AACS: variants seen among roughly 807,000 people sequenced by gnomAD.
AACS encodes the protein acetoacetyl-CoA synthetase.
A neutral mutation model predicts 83.1 loss-of-function variants in AACS; 69 were observed. The observed-to-expected ratio is 0.83, with a 90% confidence interval of 0.68 to 1.01. The LOEUF is 1.01. AACS is among the 50% of genes least tolerant of loss of function. The probability of loss-of-function intolerance (pLI) is 0.00; values close to 1 mark genes in which losing one functional copy is unlikely to be tolerated. For missense variants in AACS, 866 were observed against 882.2 expected (o/e 0.98, Z 0.23); for synonymous variants, 333 against 343.4 (o/e 0.97, Z 0.33).
At chr12:125,083,915 A>G (rs1189879500) in intron 3 of AACS, among the ~76,000 whole-genome samples, 1 of 152,094 alleles carries the variant, frequency 6.6e-6, no homozygotes, top group Non-Finnish European at 1.5e-5. Flanking sequence ...CAGCCTCCCA[A>G]AGTGCTGGGA....
intron 1 of AACS, among the ~76,000 whole-genome samples, chr12:125,067,210 C>T (rs1291503649): frequency 2.0e-5 from 3 of 152,188 alleles, no homozygotes; most frequent in Non-Finnish European, 2.9e-5. Context: ...CTGTTCCTCT[C>T]CTTCCCTTCC....
chr12:125,087,660 C>T (rs947016740), intron 4 of AACS, among the ~76,000 whole-genome samples: 7 of 152,172 alleles, frequency 4.6e-5, no homozygotes, highest in African/African-American at 7.2e-5. Flanking sequence ...GTGCCTCTCC[C>T]GAGGGAACTT....
At position 125,107,068 on chromosome 12, in the gene AACS, G is replaced by A. The variant is rs1386065210; in HGVS notation, c.768-53G>A. 15 of 1,610,726 alleles carry A rather than the reference G, an allele frequency of 9.3e-6. No homozygotes were observed. In the African/African-American group the frequency reaches 9.3e-5, roughly 10 times the overall value. Reference sequence around the variant, plus strand: ...GTGCACGGGTGGAATCAGTGGGTCCGGTCCAGCATTCTGGGACGTTCATGG... The same window carrying A: ...GTGCACGGGTGGAATCAGTGGGTCCAGTCCAGCATTCTGGGACGTTCATGG... On this transcript the variant is annotated intron_variant, in intron 7 of 17. Coordinates refer to ENST00000316519, the MANE Select transcript of AACS (RefSeq NM_023928.5).
intron 3 of AACS, among the ~76,000 whole-genome samples, chr12:125,082,467 C>G (rs977470450): frequency 7.0e-6 from 1 of 142,382 alleles, no homozygotes; most frequent in East Asian, 2.2e-4. Flanking sequence ...TGAGCTGTAA[C>G]ACCTGGCTGG....
rs1357668139 is a variant in AACS at position 125,094,261 on chromosome 12, C to G, written c.570+2738C>G. Among the ~76,000 whole-genome samples the G allele has an allele frequency of 6.6e-6, 1 of 152,178 alleles. No homozygotes were observed. The highest frequency in any genetic ancestry group is 2.4e-5 in the African/African-American group (1 of 41,426). On this transcript the variant is annotated intron_variant, in intron 5 of 17. Coordinates refer to ENST00000316519, the MANE Select transcript of AACS (RefSeq NM_023928.5). The surrounding 1 kb of genome is among the most constrained non-coding windows in gnomAD (Gnocchi z 4.1). ...ACCATGTTAAACTTCAGACTGTGCCCCATTTTCAGTAAGGGGCGCTCTTCA... is the reference window on the plus strand; with the variant it reads ...ACCATGTTAAACTTCAGACTGTGCCGCATTTTCAGTAAGGGGCGCTCTTCA...
At chr12:125,126,579 G>GT (rs35956139) in intron 12 of AACS, 46,810 of 140,102 alleles carry the variant, frequency 0.33, 7,751 homozygotes, top group East Asian at 0.54. Context: ...CTTTGGGTCA[G>GT]TTTTTTTTTT....
rs796918806 is a variant in AACS at position 125,077,212 on chromosome 12, G to A, written c.358+601G>A. Among the ~76,000 whole-genome samples, 73 of 151,704 alleles carry A rather than the reference G, an allele frequency of 4.8e-4. 1 individual carries two copies. The highest frequency in any genetic ancestry group is 1.7e-3 in the African/African-American group (70 of 41,372). ...ATTTCAGACATGAGCCACTGCACCC[G>A]GCCCCTGTGCAGCTTTTAAAAATTT... On this transcript the variant is annotated intron_variant, in intron 3 of 17. Transcript: ENST00000316519.
chr12:125,078,206 G>T lies in AACS; in HGVS notation c.358+1595G>T, dbSNP rs1346709161. 3 of 456,308 alleles carry T rather than the reference G, an allele frequency of 6.6e-6. No individual in the cohort carries two copies. The Admixed American group carries it at 7.0e-5, about 11-fold the overall frequency. The allele number at this position is 456,308 out of a possible 1,614,324, so 28.3% of individuals were successfully genotyped here. ...GGGAAGGACCAGCAGCCCCTGTGCA[G>T]TTGGTAAAGATCATGGCAGTCCAGT... On this transcript the variant is annotated intron_variant, in intron 3 of 17. Coordinates refer to ENST00000316519, the MANE Select transcript of AACS (RefSeq NM_023928.5).
chr12:125,119,560 C>T (rs968709400), intron 10 of AACS, among the ~76,000 whole-genome samples: 1 of 152,200 alleles, frequency 6.6e-6, no homozygotes, highest in Admixed American at 6.5e-5. Flanking sequence ...TACATGGCAA[C>T]AGGCAAGAGA....
At chr12:125,093,686 A>G (rs1348325483) in intron 5 of AACS, among the ~76,000 whole-genome samples, 2 of 152,174 alleles carry the variant, frequency 1.3e-5, no homozygotes, top group Non-Finnish European at 2.9e-5. Context: ...GGAAGTGAAC[A>G]GTCCCAGGCC....
At position 125,129,501 on chromosome 12, in the gene AACS, C is replaced by A; in HGVS notation, c.1549+41C>A. 1 of 1,601,068 alleles carries A rather than the reference C, an allele frequency of 6.2e-7. No homozygotes were observed. Among genetic ancestry groups the A allele is most frequent in the South Asian group, 1.1e-5 (1 of 88,388 alleles). On this transcript the variant is annotated intron_variant, in intron 14 of 17. Coordinates refer to ENST00000316519, the MANE Select transcript of AACS (RefSeq NM_023928.5). This position sits in a 1 kb window ranked among gnomAD's most constrained non-coding sequence, Gnocchi z 4.3. ...GCAGACAGAGCTGGCCAGCCTCTGC[C>A]TTGGCTGGGCCTTCTGTGTCTAATT...
At chr12:125,108,699 G>T (rs938786810) in intron 8 of AACS, among the ~76,000 whole-genome samples, 1 of 151,468 alleles carries the variant, frequency 6.6e-6, no homozygotes. Flanking sequence ...ATGGAGTCTT[G>T]ATCTGTCGCC....
intron 3 of AACS, among the ~76,000 whole-genome samples, chr12:125,083,466 C>T (rs1435903521): frequency 1.3e-5 from 2 of 152,136 alleles, no homozygotes; most frequent in East Asian, 1.9e-4. Context: ...CTGTCCCTTC[C>T]CATTTGTACA....
At chr12:125,138,919 T>TTCAGGGTCGGAACTGGACCCACC (rs1388668507) in intron 17 of AACS, 1 of 152,248 alleles carries the variant, frequency 6.6e-6, no homozygotes, top group Non-Finnish European at 1.5e-5. Context: ...CTGGACCCAC[T>TTCAGGGTCGGAACTGGACCCACC]TCAGGGTCAG....
chr12:125,075,558 C>T (rs1956001317), intron 2 of AACS, among the ~76,000 whole-genome samples: 2 of 150,794 alleles, frequency 1.3e-5, no homozygotes, highest in Admixed American at 6.6e-5. Flanking sequence ...TGCCAAAGTG[C>T]TGGGATTACA....
chr12:125,106,007 A>G (rs1296146938), intron 7 of AACS, among the ~76,000 whole-genome samples: 1 of 152,142 alleles, frequency 6.6e-6, no homozygotes, highest in Non-Finnish European at 1.5e-5. Context: ...GAGTTGAATT[A>G]TTTTGGATGC....
intron 5 of AACS, among the ~76,000 whole-genome samples, chr12:125,092,024 A>G (rs1226360986): frequency 6.6e-6 from 1 of 152,180 alleles, no homozygotes; most frequent in Non-Finnish European, 1.5e-5. Flanking sequence ...AAACCACCCC[A>G]GGGTGTGTCC....
At chr12:125,105,576 T>G (rs1956816741) in intron 7 of AACS, 1 of 152,206 alleles carries the variant, frequency 6.6e-6, no homozygotes, top group Non-Finnish European at 1.5e-5. Context: ...CTGAATAATA[T>G]TCATCAGCAG....
At position 125,129,606 on chromosome 12, in the gene AACS, G is replaced by A; in HGVS notation, c.1549+146G>A. 1 of 1,070,968 alleles carries A rather than the reference G, an allele frequency of 9.3e-7. No individual in the cohort carries two copies. 66.3% of individuals were successfully genotyped at this position (1,070,968 alleles called of 1,614,324 possible). ...GCTTATAGTTCATTCCGCCAGTGGG[G>A]GGATAATGAATTTTTGATCAATATC... On this transcript the variant is annotated intron_variant, in intron 14 of 17. Transcript: ENST00000316519. This position sits in a 1 kb window ranked among gnomAD's most constrained non-coding sequence, Gnocchi z 4.3.
Sources: gnomAD v4.1 joint callset for allele counts (sites outside exome capture counted in the v4.1 genomes callset) on GRCh38, gnomAD v4.1.1 for gene constraint, Gnocchi (gnomAD v3.1) non-coding constraint, MANE v1.5 for transcripts, NCBI Gene and HGNC (gene_info 2026-07-23, HGNC 2026-07-21) for gene names.